The following TYW1 variants were observed in gnomAD, a reference collection of about 807,000 sequenced individuals.
TYW1 encodes S-adenosyl-L-methionine-dependent tRNA 4-demethylwyosine synthase TYW1.
TYW1 carries 46 observed loss-of-function variants against 96.2 expected under a neutral mutation model. The ratio of observed to expected loss-of-function variants is 0.48; its 90% CI spans 0.38 to 0.61. The LOEUF is 0.61. Ranked by LOEUF, TYW1 falls within the 20% of genes least tolerant of loss-of-function variation. The pLI is 0.00. For missense variants in TYW1, 684 were observed against 909.6 expected, an observed-to-expected ratio of 0.75 and a Z score of 3.19; for synonymous variants, 274 against 323.0, an observed-to-expected ratio of 0.85 and a Z score of 1.63.
chr7:67,045,232 A>G (rs564567802), intron 7 of TYW1, among the ~76,000 whole-genome samples: 1 of 151,768 alleles, frequency 6.6e-6, no homozygotes, highest in Admixed American at 6.6e-5. Context: ...ATTTTTAGAG[A>G]CAGGGTCTTG....
At chr7:67,226,653 G>A (rs1002679064) in intron 15 of TYW1, among the ~76,000 whole-genome samples, 13 of 152,084 alleles carry the variant, frequency 8.5e-5, no homozygotes, top group African/African-American at 2.9e-4. Flanking sequence ...CCAGTCTCCC[G>A]CACAGCTGGC....
intron 11 of TYW1, among the ~76,000 whole-genome samples, chr7:67,086,107 A>G (rs752227850): frequency 2.0e-5 from 3 of 152,148 alleles, no homozygotes; most frequent in Non-Finnish European, 4.4e-5. Flanking sequence ...GCTAATGATT[A>G]TTTTAATTTC....
chr7:67,203,251 C>T (rs889223295), intron 15 of TYW1, among the ~76,000 whole-genome samples: 4 of 152,194 alleles, frequency 2.6e-5, no homozygotes, highest in Non-Finnish European at 2.9e-5. Context: ...AGAGCCACTT[C>T]GGCTTTCTTT....
At chr7:67,028,299 A>G (rs1306068725) in intron 7 of TYW1, among the ~76,000 whole-genome samples, 1 of 147,234 alleles carries the variant, frequency 6.8e-6, no homozygotes, top group Non-Finnish European at 1.5e-5. Context: ...TGTAATCCCC[A>G]CACTTTGAGA....
At chr7:67,197,428 C>A (rs1200993322) in intron 15 of TYW1, among the ~76,000 whole-genome samples, 2 of 151,832 alleles carry the variant, frequency 1.3e-5, no homozygotes, top group Non-Finnish European at 2.9e-5. Flanking sequence ...TCGCTTCAAG[C>A]GATTCTCCTG....
intron 14 of TYW1, 47 bp downstream of exon 14, chr7:67,183,283 C>T (rs1423875736): frequency 1.8e-5 from 27 of 1,534,582 alleles, no homozygotes; most frequent in Non-Finnish European, 2.2e-5. Flanking sequence ...GACAAAGAAT[C>T]GTGGTGCTTC....
intron 13 of TYW1, among the ~76,000 whole-genome samples, chr7:67,157,267 C>A (rs188814665): frequency 2.6e-4 from 39 of 152,288 alleles, no homozygotes; most frequent in African/African-American, 9.4e-4. Context: ...ACATTTGTTA[C>A]AATTTATGAA....
chr7:67,057,700 G>A (rs1312358995), intron 9 of TYW1, among the ~76,000 whole-genome samples: 1 of 152,080 alleles, frequency 6.6e-6, no homozygotes, highest in Non-Finnish European at 1.5e-5. Flanking sequence ...CGTATTGGCT[G>A]TTTATACTTG....
intron 15 of TYW1, among the ~76,000 whole-genome samples, chr7:67,210,604 C>T (rs757777661): frequency 1.7e-4 from 26 of 152,184 alleles, no homozygotes; most frequent in Non-Finnish European, 3.4e-4. Flanking sequence ...CATTTATTAA[C>T]GTATTCAGTC....
At chr7:67,149,179 A>G (rs775082823) in intron 13 of TYW1, among the ~76,000 whole-genome samples, 6 of 152,246 alleles carry the variant, frequency 3.9e-5, no homozygotes, top group Non-Finnish European at 8.8e-5. Context: ...GAACCTTTTT[A>G]TGAGAATCAT....
intron 13 of TYW1, among the ~76,000 whole-genome samples, chr7:67,158,082 A>ATTTTTTTTTTTTTT: frequency 9.8e-6 from 1 of 102,166 alleles, no homozygotes; most frequent in Non-Finnish European, 1.9e-5. Flanking sequence ...TTTGCTGAGG[A>ATTTTTTTTTTTTTT]TTTTTTTTTT....
intron 12 of TYW1, among the ~76,000 whole-genome samples, chr7:67,109,273 CAAAAAAAAA>C (rs1203625487): frequency 1.6e-4 from 8 of 49,094 alleles, no homozygotes; most frequent in African/African-American, 6.0e-4. Context: ...GACTCCGTCT[CAAAAAAAAA>C]AAAAAAAAAA....
intron 13 of TYW1, among the ~76,000 whole-genome samples, chr7:67,160,104 A>G (rs550552542): frequency 6.6e-6 from 1 of 152,050 alleles, no homozygotes; most frequent in Non-Finnish European, 1.5e-5. Flanking sequence ...GCCTGGCCCC[A>G]AAAATTTTTA....
chr7:67,234,949 G>T (rs1412996828), intron 15 of TYW1, among the ~76,000 whole-genome samples: 1 of 133,094 alleles, frequency 7.5e-6, no homozygotes, highest in Admixed American at 8.0e-5. Context: ...TTGACTGTAG[G>T]TATGGTAAAA....
chr7:67,217,844 G>GTTTTT (rs1584708973), intron 15 of TYW1, among the ~76,000 whole-genome samples: 1 of 103,374 alleles, frequency 9.7e-6, no homozygotes, highest in Non-Finnish European at 2.0e-5. Flanking sequence ...TAGTGTTGAT[G>GTTTTT]TCTTTTTTTT....
chr7:67,061,730 C>G (rs1277530319), intron 9 of TYW1, among the ~76,000 whole-genome samples: 1 of 152,146 alleles, frequency 6.6e-6, no homozygotes, highest in Non-Finnish European at 1.5e-5. Flanking sequence ...AATAAGAATA[C>G]TAATGGTTGG....
In TYW1 at chr7:67,233,921, C is replaced by T. The variant is rs1475791587; in HGVS notation, c.1978-4387C>T. ...TGAATGTTTGTGGCCCCCCTCCCCTCCCAAGTTCATAGGTTGAGGTCCTAA... is the reference window on the plus strand; with the variant it reads ...TGAATGTTTGTGGCCCCCCTCCCCTTCCAAGTTCATAGGTTGAGGTCCTAA... On this transcript the variant is annotated intron_variant, in intron 15 of 15. Transcript: ENST00000359626. Among the ~76,000 whole-genome samples, 15 of 135,538 alleles carry T rather than the reference C, an allele frequency of 1.1e-4. 5 individuals carry two copies. Among genetic ancestry groups the T allele is most frequent in the African/African-American group, 4.1e-4 (14 of 33,920 alleles). The allele number at this position is 135,538 out of a possible 152,430, so 88.9% of individuals were successfully genotyped here.
intron 13 of TYW1, among the ~76,000 whole-genome samples, chr7:67,141,650 A>G (rs1408539417): frequency 6.6e-6 from 1 of 152,244 alleles, no homozygotes; most frequent in Non-Finnish European, 1.5e-5. Context: ...TATAATAGCT[A>G]TGCAACCTTG....
At chr7:67,013,845 G>A (rs1341012710) in intron 4 of TYW1, among the ~76,000 whole-genome samples, 1 of 143,076 alleles carries the variant, frequency 7.0e-6, no homozygotes, top group Non-Finnish European at 1.5e-5. Context: ...CTGGATTCAT[G>A]CCATTCTCCT....
Sources: gnomAD v4.1 joint callset for allele counts (sites outside exome capture counted in the v4.1 genomes callset) on GRCh38, gnomAD v4.1.1 for gene constraint, MANE v1.5 for transcripts, NCBI Gene and HGNC (gene_info 2026-07-23, HGNC 2026-07-21) for gene names.